The following SYCP2L variants were observed in gnomAD, a reference collection of about 807,000 sequenced individuals.
SYCP2L encodes synaptonemal complex protein 2-like.
In SYCP2L, 98 loss-of-function variants were observed where a neutral mutation model predicts 125.8. The observed-to-expected ratio is 0.78, with a 90% CI of 0.66 to 0.92. The LOEUF is 0.92. Among genes scored for constraint, SYCP2L ranks in the 40% least tolerant of loss-of-function variants. The probability of loss-of-function intolerance (pLI) is 0.00; values close to 1 mark genes in which losing one functional copy is unlikely to be tolerated. For missense variants in SYCP2L, 842 were observed against 936.4 expected (o/e 0.90, Z 1.32); for synonymous variants, 317 against 325.4 (o/e 0.97, Z 0.28).
At chr6:10,961,450 CA>C (rs761138718) in intron 27 of SYCP2L, 46 bp downstream of exon 27, 4 of 1,613,360 alleles carry the variant, frequency 2.5e-6, no homozygotes, top group Non-Finnish European at 3.4e-6. Context: ...GGATCTTTCC[CA>C]GGGAAAAATA....
intron 12 of SYCP2L, among the ~76,000 whole-genome samples, chr6:10,911,718 C>A (rs1394868712): frequency 6.6e-6 from 1 of 152,074 alleles, no homozygotes; most frequent in African/African-American, 2.4e-5. Flanking sequence ...TACCCTGACC[C>A]TTACATTGGC....
intron 25 of SYCP2L, among the ~76,000 whole-genome samples, chr6:10,957,262 G>T (rs769723029): frequency 1.3e-5 from 2 of 152,196 alleles, no homozygotes; most frequent in Admixed American, 6.5e-5. Flanking sequence ...ATGTGAAAGT[G>T]CTTCTAAGTG....
At chr6:10,891,456 T>C (rs1780170531) in intron 1 of SYCP2L, 57 bp from the exon 2 acceptor site, 2 of 1,051,694 alleles carry the variant, frequency 1.9e-6, no homozygotes, top group African/African-American at 3.3e-5. Flanking sequence ...GTTTAAAACT[T>C]GAAATGCATT....
intron 16 of SYCP2L, 145 bp downstream of exon 16, chr6:10,926,577 C>T (rs1022276296): frequency 3.3e-6 from 2 of 612,188 alleles, no homozygotes; most frequent in Non-Finnish European, 5.8e-6. Flanking sequence ...TTGCTGATAG[C>T]CTTGAATTGT....
intron 21 of SYCP2L, among the ~76,000 whole-genome samples, chr6:10,941,712 T>C (rs1282101497): frequency 1.3e-5 from 2 of 152,232 alleles, no homozygotes; most frequent in Non-Finnish European, 2.9e-5. Flanking sequence ...GGTGGGAGTG[T>C]AAACTAGTTC....
chr6:10,928,517 AC>A, intron 18 of SYCP2L, 67 bp downstream of exon 18: 1 of 1,468,444 alleles, frequency 6.8e-7, no homozygotes, highest in Non-Finnish European at 9.0e-7. Context: ...GGTGGAAGCC[AC>A]CTTTCCTGGT....
intron 14 of SYCP2L, among the ~76,000 whole-genome samples, chr6:10,918,372 C>G (rs1364446302): frequency 6.6e-6 from 1 of 151,930 alleles, no homozygotes; most frequent in Non-Finnish European, 1.5e-5. Context: ...ATTTTCCAAA[C>G]TTTCGTATTT....
chr6:10,955,086 C>T, intron 23 of SYCP2L, 30 bp from the exon 24 acceptor site: 1 of 1,511,104 alleles, frequency 6.6e-7, no homozygotes, highest in Non-Finnish European at 9.2e-7. Context: ...AATTTCGGGT[C>T]AAAAGGAAAT....
chr6:10,929,527 A>T (rs1227366139), intron 18 of SYCP2L, among the ~76,000 whole-genome samples: 3 of 152,392 alleles, frequency 2.0e-5, no homozygotes, highest in African/African-American at 7.2e-5. Context: ...AATTTTAAAA[A>T]TATAAATATC....
rs372275947 is a variant in SYCP2L at position 10,927,367 on chromosome 6, C to G, written c.1440C>G (p.His480Gln). The G allele has an allele frequency of 7.5e-6, 12 of 1,607,180 alleles. No individual in the cohort carries two copies. In the South Asian group the frequency reaches 1.2e-4, roughly 16 times the overall value. ...PVIGEPASDS[H>Q]LQPVPPFGVP... ...TTGGGGAACCTGCCTCTGATAGTCA[C>G]GTAGGTTCTTTTCTATTTTCCCTAA... The change falls in exon 17 of 30, where the codon CAC (histidine) becomes CAG (glutamine). Residue 480 changes from histidine to glutamine, a missense_variant and splice_region_variant. Transcript: ENST00000283141.
intron 29 of SYCP2L, among the ~76,000 whole-genome samples, chr6:10,966,141 A>C (rs989507047): frequency 6.6e-6 from 1 of 152,016 alleles, no homozygotes; most frequent in Admixed American, 6.6e-5. Context: ...AACAACAATA[A>C]CAACAACAAC....
At chr6:10,904,583 A>T (rs561492444) in intron 8 of SYCP2L, among the ~76,000 whole-genome samples, 1 of 152,320 alleles carries the variant, frequency 6.6e-6, no homozygotes, top group East Asian at 1.9e-4. Context: ...AGCTGATCTC[A>T]TGTTTTCTCC....
At chr6:10,913,090 T>C (rs1780636808) in intron 14 of SYCP2L, among the ~76,000 whole-genome samples, 163 bp downstream of exon 14, 1 of 152,234 alleles carries the variant, frequency 6.6e-6, no homozygotes, top group Non-Finnish European at 1.5e-5. Context: ...TTGTGACTTC[T>C]ATGCTTTGTG....
At chr6:10,915,556 T>G (rs1415837372) in intron 14 of SYCP2L, among the ~76,000 whole-genome samples, 1 of 152,226 alleles carries the variant, frequency 6.6e-6, no homozygotes, top group African/African-American at 2.4e-5. Context: ...GTCGAATGCT[T>G]TTTCTGCATC....
At chr6:10,898,798 C>T (rs1183656993) in intron 5 of SYCP2L, 26 bp from the exon 6 acceptor site, 3 of 1,340,350 alleles carry the variant, frequency 2.2e-6, no homozygotes, top group Non-Finnish European at 2.1e-6. Context: ...ATAATATGAG[C>T]TTTACTTTTT....
Position 10,961,539 on chromosome 6 carries a change from T to C in SYCP2L, c.2395T>C (p.Cys799Arg), listed in dbSNP as rs748866676. The stretch of plus-strand genomic sequence containing the variant: ...ACAGTCTGCTGATCTGCAATCTTTC[T>C]GTGATCTGCAAGTGCTGAGGTACTT... ...GKQSADLQSF[C>R]DLQVLRFNST... Residue 799 changes from cysteine (C) to arginine (R), a missense_variant, in exon 28 of 30, where the codon TGT (cysteine) becomes CGT (arginine). By Grantham distance (180) the Cys-to-Arg change is radical. Transcript: ENST00000283141. 1.9e-6 allele frequency: 3 copies of C among 1,614,218 alleles called. No homozygotes were observed. Among genetic ancestry groups the C allele is most frequent in the Non-Finnish European group, 2.5e-6 (3 of 1,180,022 alleles).
At chr6:10,909,653 A>G (rs1268016544) in intron 10 of SYCP2L, among the ~76,000 whole-genome samples, 1 of 152,204 alleles carries the variant, frequency 6.6e-6, no homozygotes, top group Non-Finnish European at 1.5e-5. Flanking sequence ...TTCTTAGAAC[A>G]TATGCTAGGA....
chr6:10,906,952 T>C (rs897390824), intron 9 of SYCP2L, among the ~76,000 whole-genome samples: 1 of 152,136 alleles, frequency 6.6e-6, no homozygotes, highest in African/African-American at 2.4e-5. Flanking sequence ...AGTATTTTAA[T>C]ATATTTAAAA....
Position 10,912,964 on chromosome 6 carries a change from C to A in SYCP2L, c.1072+37C>A. The A allele has an allele frequency of 6.3e-7, 1 of 1,582,300 alleles. No individual in the cohort carries two copies. The highest frequency in any genetic ancestry group is 1.1e-5 in the South Asian group (1 of 89,414). On this transcript the variant is annotated intron_variant, in intron 14 of 29. Coordinates refer to ENST00000283141, the MANE Select transcript of SYCP2L (RefSeq NM_001040274.3). This position sits in a 1 kb window ranked among gnomAD's most constrained non-coding sequence, Gnocchi z 4.1. ...CATTTAAACAACCCACGTCCAGTTC[C>A]AAATATTATTTCTGTTGTATATGCA...
Sources: allele counts gnomAD v4.1 joint callset (sites outside exome capture counted in the v4.1 genomes callset), GRCh38; gene constraint gnomAD v4.1.1; non-coding constraint Gnocchi (gnomAD v3.1); transcripts MANE v1.5; gene names NCBI Gene and HGNC (gene_info 2026-07-23, HGNC 2026-07-21).